The following KIAA1217 variants were observed in gnomAD, a reference collection of about 807,000 sequenced individuals.
KIAA1217 encodes KIAA1217.
KIAA1217 carries 88 observed loss-of-function variants against 163.9 expected under a neutral mutation model. The ratio of observed to expected loss-of-function variants is 0.54; its 90% CI spans 0.45 to 0.64. The LOEUF is 0.64. KIAA1217 is among the 30% of genes least tolerant of loss of function. KIAA1217 has a pLI of 0.00. For synonymous variants in KIAA1217, 903 were observed against 923.1 expected (o/e 0.98, Z 0.39); for missense variants, 2,372 against 2,475.0 (o/e 0.96, Z 0.88).
At chr10:23,915,590 G>T (rs541531939) in intron 1 of KIAA1217, among the ~76,000 whole-genome samples, 23 of 152,242 alleles carry the variant, frequency 1.5e-4, no homozygotes, top group Admixed American at 1.5e-3. Context: ...GTGCATGCTA[G>T]GGAAAGATGG....
At chr10:23,769,735 A>G (rs1470865140) in intron 1 of KIAA1217, among the ~76,000 whole-genome samples, 1 of 152,230 alleles carries the variant, frequency 6.6e-6, no homozygotes, top group Non-Finnish European at 1.5e-5. Flanking sequence ...TCAACCTCAC[A>G]GAATTTCAAG....
intron 2 of KIAA1217, among the ~76,000 whole-genome samples, chr10:24,040,035 C>T (rs1848566426): frequency 6.6e-6 from 1 of 152,176 alleles, no homozygotes. Flanking sequence ...TGAAATGCTT[C>T]TATCCACACT....
At chr10:23,958,806 T>G (rs1844683551) in intron 1 of KIAA1217, among the ~76,000 whole-genome samples, 1 of 151,986 alleles carries the variant, frequency 6.6e-6, no homozygotes, top group Admixed American at 6.6e-5. Flanking sequence ...AAGCTCTTTT[T>G]ATTTCTTGCT....
intron 1 of KIAA1217, among the ~76,000 whole-genome samples, chr10:23,898,304 T>TATAC (rs1841795277): frequency 6.7e-6 from 1 of 149,212 alleles, no homozygotes; most frequent in Non-Finnish European, 1.5e-5. Context: ...ACTATATATA[T>TATAC]ACACACACAC....
intron 1 of KIAA1217, among the ~76,000 whole-genome samples, chr10:23,982,527 G>C (rs1357110471): frequency 3.1e-5 from 2 of 65,236 alleles, no homozygotes; most frequent in South Asian, 5.5e-4. Context: ...TCTGTTTTTT[G>C]TTTCTCTCTC....
intron 2 of KIAA1217, among the ~76,000 whole-genome samples, chr10:24,354,126 T>C (rs776038132): frequency 1.8e-4 from 27 of 152,258 alleles, no homozygotes; most frequent in Non-Finnish European, 3.4e-4. Context: ...TGATGGCCCA[T>C]GTTCCTGGTC....
At chr10:24,175,300 TATC>T (rs1357750673) in intron 2 of KIAA1217, among the ~76,000 whole-genome samples, 1 of 152,216 alleles carries the variant, frequency 6.6e-6, no homozygotes, top group Non-Finnish European at 1.5e-5. Context: ...AGCTCCCACT[TATC>T]AGTGAGAACA....
At chr10:24,001,751 C>T (rs1173831516) in intron 1 of KIAA1217, among the ~76,000 whole-genome samples, 5 of 152,156 alleles carry the variant, frequency 3.3e-5, no homozygotes, top group East Asian at 3.9e-4. Context: ...TTTGCCTGAG[C>T]GAGGGGAATG....
At chr10:23,965,336 A>G (rs1237448375) in intron 1 of KIAA1217, among the ~76,000 whole-genome samples, 1 of 152,244 alleles carries the variant, frequency 6.6e-6, no homozygotes, top group Non-Finnish European at 1.5e-5. Flanking sequence ...TTTCATAACT[A>G]ACTGAGTGCA....
intron 1 of KIAA1217, among the ~76,000 whole-genome samples, chr10:23,789,938 TA>T (rs1303935706): frequency 1.5e-5 from 2 of 129,890 alleles, no homozygotes; most frequent in East Asian, 4.4e-4. Flanking sequence ...TATATACACA[TA>T]TACATATACA....
At chr10:24,048,743 AAT>A (rs1554848351) in intron 2 of KIAA1217, among the ~76,000 whole-genome samples, 3 of 146,926 alleles carry the variant, frequency 2.0e-5, no homozygotes, top group Non-Finnish European at 3.0e-5. Context: ...AAAAAAAAAA[AAT>A]ATATTGGCCG....
chr10:24,326,385 AT>A (rs981153638), intron 2 of KIAA1217, among the ~76,000 whole-genome samples: 5 of 151,972 alleles, frequency 3.3e-5, no homozygotes, highest in Middle Eastern at 6.8e-3. Context: ...AAAACTTGCT[AT>A]TTTTTTTAAA....
chr10:24,542,847 A>G, intron 18 of KIAA1217, 36 bp from the exon 19 acceptor site: 2 of 1,610,442 alleles, frequency 1.2e-6, no homozygotes, highest in Non-Finnish European at 1.7e-6. Flanking sequence ...TTGCTGATTA[A>G]CGTGTGTGGT....
intron 1 of KIAA1217, among the ~76,000 whole-genome samples, chr10:24,210,198 A>G (rs971565822): frequency 8.6e-5 from 13 of 151,954 alleles, no homozygotes; most frequent in African/African-American, 3.1e-4. Flanking sequence ...GTGTTTTATG[A>G]AAATGTGAAA....
intron 6 of KIAA1217, among the ~76,000 whole-genome samples, chr10:24,485,427 C>T (rs950799577): frequency 2.0e-5 from 3 of 152,192 alleles, no homozygotes; most frequent in Admixed American, 2.0e-4. Context: ...TCTGCTGCTT[C>T]GTGCATTCTT....
chr10:23,790,372 CATATGT>C (rs1174632563), intron 1 of KIAA1217, among the ~76,000 whole-genome samples: 1 of 75,202 alleles, frequency 1.3e-5, no homozygotes, highest in Admixed American at 1.5e-4. Context: ...TATACATATA[CATATGT>C]ATATATACAT....
chr10:24,026,195 A>T (rs958485786), intron 2 of KIAA1217, among the ~76,000 whole-genome samples: 1 of 151,784 alleles, frequency 6.6e-6, no homozygotes, highest in East Asian at 1.9e-4. Context: ...AGACTTTTAC[A>T]TGTATGTTCA....
chr10:23,831,838 T>G (rs558246276), intron 1 of KIAA1217, among the ~76,000 whole-genome samples: 2 of 152,322 alleles, frequency 1.3e-5, no homozygotes, highest in South Asian at 4.1e-4. Flanking sequence ...TTAGCATACT[T>G]GTACTATTTC....
intron 1 of KIAA1217, among the ~76,000 whole-genome samples, chr10:23,914,169 C>T (rs1035669637): frequency 6.6e-6 from 1 of 152,108 alleles, no homozygotes; most frequent in Non-Finnish European, 1.5e-5. Flanking sequence ...GGTCATTCTT[C>T]CAGGCAGAGG....
Sources: allele counts gnomAD v4.1 joint callset (sites outside exome capture counted in the v4.1 genomes callset), GRCh38; gene constraint gnomAD v4.1.1; transcripts MANE v1.5; gene names NCBI Gene and HGNC (gene_info 2026-07-23, HGNC 2026-07-21).